XRCC4: variants seen among roughly 807,000 people sequenced by gnomAD.
XRCC4 encodes X-ray repair cross complementing 4, also known as DNA repair protein XRCC4.
Under a neutral mutation model 39.1 loss-of-function variants are expected in XRCC4, and 28 were observed. The ratio of observed to expected loss-of-function variants is 0.72; its 90% CI spans 0.53 to 0.98. The LOEUF (loss-of-function observed/expected upper bound fraction) is 0.98. Ranked by LOEUF, XRCC4 falls within the 50% of genes least tolerant of loss-of-function variation. The pLI, the probability that XRCC4 is intolerant of heterozygous loss-of-function variation, is 0.00. For missense variants in XRCC4, 350 were observed against 376.4 expected, an observed-to-expected ratio of 0.93 and a Z score of 0.58; for synonymous variants, 123 against 126.4, an observed-to-expected ratio of 0.97 and a Z score of 0.18.
chr5:83,159,757 T>G (rs1749120064), intron 3 of XRCC4, among the ~76,000 whole-genome samples: 1 of 152,156 alleles, frequency 6.6e-6, no homozygotes, highest in African/African-American at 2.4e-5. Flanking sequence ...ATTGAAACAT[T>G]GTTGGTGGCA....
intron 3 of XRCC4, among the ~76,000 whole-genome samples, chr5:83,114,568 A>C (rs1214886116): frequency 1.3e-5 from 2 of 152,188 alleles, no homozygotes; most frequent in Non-Finnish European, 2.9e-5. Context: ...AGACCACCTA[A>C]GCCTGGACTT....
In XRCC4 at chr5:83,187,041, T is replaced by G. The variant is rs1423249889; in HGVS notation, c.316-8729T>G. 3.8e-5 allele frequency among the ~76,000 whole-genome samples: 2 copies of G among 52,774 alleles called. 1 individual carries two copies. Among genetic ancestry groups the G allele is most frequent in the African/African-American group, 1.8e-4 (2 of 11,142 alleles). The allele number at this position is 52,774 out of a possible 152,430, so 34.6% of individuals were successfully genotyped here. On this transcript the variant is annotated intron_variant, in intron 3 of 7. Transcript: ENST00000396027. ...TCACTGCAAGCTCCGCCTCCCGGGT[T>G]CACGCCATTCTCCTGCCTCAGCCTC...
intron 3 of XRCC4, among the ~76,000 whole-genome samples, chr5:83,131,950 T>C (rs1361224765): frequency 6.6e-6 from 1 of 152,162 alleles, no homozygotes; most frequent in African/African-American, 2.4e-5. Flanking sequence ...TTTTGCTCGT[T>C]AGTTGATGCA....
intron 7 of XRCC4, among the ~76,000 whole-genome samples, chr5:83,277,952 TA>T (rs1754393131): frequency 1.3e-5 from 2 of 152,232 alleles, no homozygotes; most frequent in African/African-American, 2.4e-5. Flanking sequence ...TCTTGTTTAA[TA>T]AAAGCATTTA....
At chr5:83,226,774 A>G (rs1205917249) in intron 6 of XRCC4, among the ~76,000 whole-genome samples, 1 of 152,112 alleles carries the variant, frequency 6.6e-6, no homozygotes, top group African/African-American at 2.4e-5. Flanking sequence ...TTGGTCTCTG[A>G]CTTCCTCTCA....
intron 7 of XRCC4, among the ~76,000 whole-genome samples, chr5:83,307,897 T>A (rs1755543845): frequency 6.6e-6 from 1 of 152,178 alleles, no homozygotes; most frequent in Admixed American, 6.5e-5. Context: ...GATGAAATAA[T>A]CAAATAGCTT....
At chr5:83,134,072 TC>T (rs1747753870) in intron 3 of XRCC4, among the ~76,000 whole-genome samples, 1 of 152,184 alleles carries the variant, frequency 6.6e-6, no homozygotes. Context: ...CTGGGCTTGA[TC>T]GGAGGCTGAA....
intron 1 of XRCC4, among the ~76,000 whole-genome samples, chr5:83,081,030 A>C (rs1418987571): frequency 6.6e-6 from 1 of 152,186 alleles, no homozygotes; most frequent in East Asian, 1.9e-4. Context: ...TTAAGATAAA[A>C]AAGGAATTAA....
chr5:83,335,990 T>A (rs976829362), intron 7 of XRCC4, among the ~76,000 whole-genome samples: 3 of 152,026 alleles, frequency 2.0e-5, no homozygotes, highest in Non-Finnish European at 4.4e-5. Flanking sequence ...ACAGATGAGT[T>A]TTTTTTAATT....
At chr5:83,323,453 A>G (rs1756142334) in intron 7 of XRCC4, among the ~76,000 whole-genome samples, 2 of 152,126 alleles carry the variant, frequency 1.3e-5, no homozygotes, top group African/African-American at 4.8e-5. Context: ...AATGTTAATT[A>G]AACCATATCA....
intron 3 of XRCC4, among the ~76,000 whole-genome samples, chr5:83,146,096 C>A (rs955212841): frequency 2.0e-4 from 31 of 152,160 alleles, no homozygotes; most frequent in African/African-American, 7.5e-4. Flanking sequence ...TAGAATCAGT[C>A]TTTCTGCTGT....
At chr5:83,127,989 T>C (rs1021476028) in intron 3 of XRCC4, among the ~76,000 whole-genome samples, 1 of 152,062 alleles carries the variant, frequency 6.6e-6, no homozygotes, top group East Asian at 1.9e-4. Flanking sequence ...TTTATTTATT[T>C]ATTTTTATTA....
At chr5:83,303,888 A>G (rs1755385319) in intron 7 of XRCC4, among the ~76,000 whole-genome samples, 1 of 152,204 alleles carries the variant, frequency 6.6e-6, no homozygotes, top group Non-Finnish European at 1.5e-5. Context: ...ATAAGGGAAC[A>G]GTTTTTGAAA....
chr5:83,093,020 C>A lies in XRCC4; in HGVS notation c.-10-11890C>A, dbSNP rs561438597. On this transcript the variant is annotated intron_variant, in intron 1 of 7. Coordinates refer to ENST00000396027, the MANE Select transcript of XRCC4 (RefSeq NM_003401.5). ...GACAAGGAGTAAATGAATGGACACA[C>A]ACACACACACACACACACACACAAG... Among the ~76,000 whole-genome samples, 6 of 146,926 alleles carry A rather than the reference C, an allele frequency of 4.1e-5. No homozygotes were observed. In the East Asian group the frequency reaches 1.2e-3, roughly 28 times the overall value.
chr5:83,372,820 T>C, the XRCC4 span, among the ~76,000 whole-genome samples: 1 of 152,216 alleles, frequency 6.6e-6, no homozygotes, highest in Non-Finnish European at 1.5e-5. Flanking sequence ...TGGACGATCA[T>C]TTAAATGGGA....
intron 7 of XRCC4, among the ~76,000 whole-genome samples, chr5:83,282,586 G>A (rs956941654): frequency 6.6e-6 from 1 of 152,076 alleles, no homozygotes; most frequent in Non-Finnish European, 1.5e-5. Context: ...GCTCACACCT[G>A]TAATCCCAGC....
At chr5:83,180,974 T>C (rs1424738154) in intron 3 of XRCC4, among the ~76,000 whole-genome samples, 3 of 150,696 alleles carry the variant, frequency 2.0e-5, no homozygotes, top group Non-Finnish European at 2.9e-5. Flanking sequence ...AAAAGTCAAA[T>C]AGTTTCTACA....
At chr5:83,210,681 A>G (rs2112752686) in intron 6 of XRCC4, among the ~76,000 whole-genome samples, 2 of 152,318 alleles carry the variant, frequency 1.3e-5, no homozygotes, top group Middle Eastern at 6.8e-3. Flanking sequence ...CCTATATAGA[A>G]AAAAGATCCT....
At chr5:83,084,843 A>G (rs1303793312) in intron 1 of XRCC4, among the ~76,000 whole-genome samples, 1 of 152,164 alleles carries the variant, frequency 6.6e-6, no homozygotes, top group Non-Finnish European at 1.5e-5. Context: ...GAATATTATC[A>G]TTATTGTCGC....
Sources: gnomAD v4.1 joint callset for allele counts (sites outside exome capture counted in the v4.1 genomes callset) on GRCh38, gnomAD v4.1.1 for gene constraint, MANE v1.5 for transcripts, NCBI Gene and HGNC (gene_info 2026-07-23, HGNC 2026-07-21) for gene names.